The following CECR2 variants were observed in gnomAD, a reference collection of about 807,000 sequenced individuals.
CECR2 encodes the protein CECR2 histone acetyl-lysine reader, also known as chromatin remodeling regulator CECR2.
A neutral mutation model predicts 154.5 loss-of-function variants in CECR2; 30 were observed. The ratio of observed to expected loss-of-function variants is 0.19; its 90% CI spans 0.15 to 0.26. The LOEUF (loss-of-function observed/expected upper bound fraction) is 0.26, where lower values mean the gene tolerates loss of function less well. Ranked by LOEUF, CECR2 falls within the 10% of genes least tolerant of loss-of-function variation. CECR2 has a pLI of 1.00. For synonymous variants in CECR2, 725 were observed against 683.7 expected, an observed-to-expected ratio of 1.06 and a Z score of -0.94; for missense variants, 1,743 against 1,829.3, an observed-to-expected ratio of 0.95 and a Z score of 0.86.
At chr22:17,477,776 C>T (rs983939474) in intron 2 of CECR2, 94 bp downstream of exon 2, 34 of 872,350 alleles carry the variant, frequency 3.9e-5, no homozygotes, top group African/African-American at 1.6e-4. Context: ...AAACCAGAAC[C>T]GATCATTAGG....
At chr22:17,524,472 A>G in intron 9 of CECR2, 1 of 524,264 alleles carries the variant, frequency 1.9e-6, no homozygotes. Flanking sequence ...AGCTCACTGC[A>G]AGCTTCACCT....
intron 1 of CECR2, among the ~76,000 whole-genome samples, chr22:17,376,644 G>GT (rs200420435): frequency 0.032 from 4,595 of 143,668 alleles, 228 homozygotes; most frequent in African/African-American, 0.11. Flanking sequence ...CTTTTTTTTT[G>GT]TTTTTTTTTT....
At chr22:17,475,827 C>G (rs547984366) in intron 1 of CECR2, among the ~76,000 whole-genome samples, 62 of 152,118 alleles carry the variant, frequency 4.1e-4, no homozygotes, top group Non-Finnish European at 8.2e-4. Context: ...TCTTGAATTC[C>G]TATTTCTCCG....
chr22:17,476,383 G>A (rs1238702258), intron 1 of CECR2, among the ~76,000 whole-genome samples: 1 of 151,908 alleles, frequency 6.6e-6, no homozygotes, highest in Non-Finnish European at 1.5e-5. Context: ...TTGTGTCTCA[G>A]CCTTAGTAGC....
chr22:17,434,621 C>T (rs1601351331), intron 1 of CECR2, among the ~76,000 whole-genome samples: 1 of 145,826 alleles, frequency 6.9e-6, no homozygotes, highest in South Asian at 2.3e-4. Context: ...TGGATTAGAA[C>T]CCCCCACTCT....
intron 1 of CECR2, among the ~76,000 whole-genome samples, chr22:17,445,999 G>A: frequency 6.6e-6 from 1 of 152,084 alleles, no homozygotes; most frequent in Admixed American, 6.6e-5. Context: ...TTCTGTTCAT[G>A]GTTGGTTGAA....
intron 16 of CECR2, among the ~76,000 whole-genome samples, chr22:17,546,509 C>G (rs1160690765): frequency 7.1e-6 from 1 of 141,064 alleles, no homozygotes; most frequent in Non-Finnish European, 1.5e-5. Context: ...AAAAAAAAAT[C>G]CTGTTTAGTT....
Position 17,507,030 on chromosome 22 carries a change from T to A in CECR2, c.870+2014T>A, listed in dbSNP as rs375661499. Among the ~76,000 whole-genome samples, 462 of 152,362 alleles carry A rather than the reference T, an allele frequency of 3.0e-3. 5 individuals are homozygous for A. Among genetic ancestry groups the A allele is most frequent in the African/African-American group, 0.011 (443 of 41,588 alleles). On this transcript the variant is annotated intron_variant, in intron 7 of 18. Transcript: ENST00000262608. ...TCATATCGATAATAATATTTCTGAT[T>A]ATTGATACATGTTAATAGAGGACCA...
At chr22:17,375,993 A>G (rs145705343) in intron 1 of CECR2, among the ~76,000 whole-genome samples, 1 of 152,018 alleles carries the variant, frequency 6.6e-6, no homozygotes, top group Non-Finnish European at 1.5e-5. Flanking sequence ...TTGTCACACT[A>G]ATCTATTTAA....
At chr22:17,439,165 TC>T (rs1303227459) in intron 1 of CECR2, among the ~76,000 whole-genome samples, 1 of 147,690 alleles carries the variant, frequency 6.8e-6, no homozygotes, top group Non-Finnish European at 1.5e-5. Flanking sequence ...GAAGAAACAC[TC>T]CCTTTTTTTT....
At chr22:17,473,683 A>G (rs780759530) in intron 1 of CECR2, among the ~76,000 whole-genome samples, 27 of 152,300 alleles carry the variant, frequency 1.8e-4, no homozygotes, top group African/African-American at 6.3e-4. Context: ...AATCATTACA[A>G]CCCTTGAAAA....
rs753429481 is a variant in CECR2 at position 17,541,974 on chromosome 22, A to C, written c.2013+7A>C. The C allele has an allele frequency of 3.7e-6, 6 of 1,610,614 alleles. No homozygotes were observed. The African/African-American group carries it at 8.0e-5, about 22-fold the overall frequency. Reference sequence around the variant, plus strand: ...TCAGCCTTTCACCATGCAGGTAAGCAGCCTACTCTGGAGGTGCAGGTGCAG... The same window carrying C: ...TCAGCCTTTCACCATGCAGGTAAGCCGCCTACTCTGGAGGTGCAGGTGCAG... On this transcript the variant is annotated splice_region_variant and intron_variant, in intron 15 of 18. Transcript: ENST00000262608.
intron 2 of CECR2, among the ~76,000 whole-genome samples, chr22:17,493,768 G>A (rs1463202647): frequency 2.0e-5 from 3 of 152,210 alleles, no homozygotes; most frequent in East Asian, 1.9e-4. Context: ...GCAGCACTGC[G>A]GATGCACACG....
chr22:17,472,403 G>T (rs2055142100), intron 1 of CECR2, among the ~76,000 whole-genome samples: 1 of 152,108 alleles, frequency 6.6e-6, no homozygotes, highest in Non-Finnish European at 1.5e-5. Flanking sequence ...ATAGCAGCTG[G>T]GACAGTCCTT....
rs191919166 is a variant in CECR2, at chr22:17,465,998, C to T, written c.127-11590C>T. On this transcript the variant is annotated intron_variant, in intron 1 of 18. Coordinates refer to ENST00000262608, the MANE Select transcript of CECR2 (RefSeq NM_001290047.2). ...TTATTGAACATGGTAAAGTAACTACCCCCCGCTCCTTTATTTATTTATTTA... is the reference window on the plus strand; with the variant it reads ...TTATTGAACATGGTAAAGTAACTACTCCCCGCTCCTTTATTTATTTATTTA... 1.3e-4 allele frequency among the ~76,000 whole-genome samples: 20 copies of T among 150,842 alleles called. No homozygotes were observed. The East Asian group carries it at 3.5e-3, about 26-fold the overall frequency.
In CECR2 at chr22:17,552,955, G is replaced by A; in HGVS notation, c.*115G>A. 1.3e-6 allele frequency: 2 copies of A among 1,507,520 alleles called. No homozygotes were observed. The highest frequency in any genetic ancestry group is 1.8e-6 in the Non-Finnish European group (2 of 1,130,700). 93.4% of individuals were successfully genotyped at this position (1,507,520 alleles called of 1,614,324 possible). ...CCATCACCTGCTCCACCCCTTCACG[G>A]CGACCCACTCGTGCCATACTTGAGC... On this transcript the variant is annotated 3_prime_UTR_variant, in exon 19 of 19. Transcript: ENST00000262608.
intron 9 of CECR2, chr22:17,525,023 C>G (rs1016768452): frequency 1.3e-5 from 2 of 150,772 alleles, no homozygotes; most frequent in African/African-American, 4.9e-5. Flanking sequence ...GTGACTCATG[C>G]CTGTAATCCC....
chr22:17,385,694 T>C (rs2063250268), intron 1 of CECR2, among the ~76,000 whole-genome samples: 1 of 152,168 alleles, frequency 6.6e-6, no homozygotes, highest in African/African-American at 2.4e-5. Flanking sequence ...GAGCACATAC[T>C]GTTGGAAAAA....
chr22:17,435,418 T>C (rs1389347757), intron 1 of CECR2, among the ~76,000 whole-genome samples: 3 of 152,108 alleles, frequency 2.0e-5, no homozygotes, highest in Non-Finnish European at 4.4e-5. Context: ...AAGGTAGAAT[T>C]TGGAGACCGG....
Sources: gnomAD v4.1 joint callset for allele counts (sites outside exome capture counted in the v4.1 genomes callset) on GRCh38, gnomAD v4.1.1 for gene constraint, MANE v1.5 for transcripts, NCBI Gene and HGNC (gene_info 2026-07-23, HGNC 2026-07-21) for gene names.